The following TNRC18 variants were observed in gnomAD, a reference collection of about 807,000 sequenced individuals.
The protein encoded by TNRC18 is trinucleotide repeat-containing gene 18 protein.
TNRC18 carries 69 observed loss-of-function variants against 226.7 expected under a neutral mutation model. The observed-to-expected ratio is 0.30, with a 90% CI of 0.25 to 0.37. The LOEUF (loss-of-function observed/expected upper bound fraction) is 0.37. TNRC18 is among the 10% of genes least tolerant of loss of function. TNRC18 has a pLI of 1.00. For synonymous variants in TNRC18, 2,449 were observed against 1,927.6 expected (o/e 1.27, Z -7.09); for missense variants, 4,754 against 4,256.6 (o/e 1.12, Z -3.25).
intron 11 of TNRC18, 81 bp downstream of exon 11, chr7:5,370,294 G>A (rs1377941339): frequency 3.4e-6 from 5 of 1,455,912 alleles, no homozygotes; most frequent in Non-Finnish European, 4.6e-6. Flanking sequence ...CTGCACTCCA[G>A]CCTGGGCAAC....
In TNRC18 at chr7:5,373,566, G is replaced by A. The variant is rs1040709648; in HGVS notation, c.3229+489C>T. ...TGAACCAAAGTCCTCCCAAGCACAC[G>A]CTCACACACCTGATACCCCCCAGGG... On this transcript the variant is annotated intron_variant, in intron 10 of 29. Transcript: ENST00000430969. Among the ~76,000 whole-genome samples, 6 of 152,268 alleles carry A rather than the reference G, an allele frequency of 3.9e-5. No individual in the cohort carries two copies. In the South Asian group the frequency reaches 1.0e-3, roughly 26 times the overall value.
In TNRC18 at chr7:5,389,142, G is replaced by A. The variant is rs772830616; in HGVS notation, c.682C>T (p.Arg228Trp). Residue 228 changes from arginine to tryptophan, a missense_variant, in exon 5 of 30, where the codon CGG (arginine) becomes TGG (tryptophan). By Grantham distance (101) the Arg-to-Trp change is moderately radical (BLOSUM62 -3). Coordinates refer to ENST00000430969, the MANE Select transcript of TNRC18 (RefSeq NM_001080495.3). ...CGTGGCCCCGAGGCCTCCTCGCCCC[G>A]GGCGCGCGGGTCCTTCTTGCCGAAA... ...PLFGKKDPRA[R>W]GEEASGPRGV... 3 of 1,319,560 alleles carry A rather than the reference G, an allele frequency of 2.3e-6. No homozygotes were observed. The highest frequency in any genetic ancestry group is 4.0e-5 in the Admixed American group (1 of 25,310). The allele number at this position is 1,319,560 out of a possible 1,614,324, so 81.7% of individuals were successfully genotyped here.
chr7:5,345,553 G>T lies in TNRC18; in HGVS notation c.5719+9C>A. 5 of 543,000 alleles carry T rather than the reference G, an allele frequency of 9.2e-6. No homozygotes were observed. Among genetic ancestry groups the T allele is most frequent in the Non-Finnish European group, 9.2e-6 (4 of 436,688 alleles). 33.6% of individuals were successfully genotyped at this position (543,000 alleles called of 1,614,324 possible). A position where few individuals can be genotyped will look rare whatever the true frequency, so the allele number is the denominator to read the frequency against. On this transcript the variant is annotated intron_variant, in intron 18 of 29. Transcript: ENST00000430969. ...CCACCCCCACCGCAGCCCACCTGCT[G>T]CCACTTACCCAGCAGGCTCTGCCGC...
At position 5,320,299 on chromosome 7, in the gene TNRC18, T is replaced by C; in HGVS notation, c.6745+19A>G. ...GAGATGTTAGGCGGCAGGGGAGAGC[T>C]GGGGAGGAGGCATCTCACCTCGGAC... On this transcript the variant is annotated intron_variant, in intron 24 of 29. Transcript: ENST00000430969. 6.5e-7 allele frequency: 1 copy of C among 1,538,640 alleles called. No individual in the cohort carries two copies. The highest frequency in any genetic ancestry group is 8.8e-7 in the Non-Finnish European group (1 of 1,136,046).
Position 5,312,309 on chromosome 7 carries a change from C to T in TNRC18, c.8388+194G>A, listed in dbSNP as rs1294512889. Among the ~76,000 whole-genome samples the T allele has an allele frequency of 6.6e-6, 1 of 152,204 alleles. No homozygotes were observed. Among genetic ancestry groups the T allele is most frequent in the Non-Finnish European group, 1.5e-5 (1 of 68,038 alleles). ...ACTCTGCTCTGAAGGACTCGGGCATCGGAGTCCGACAGACCCAGGTGCCTG... is the reference window on the plus strand; with the variant it reads ...ACTCTGCTCTGAAGGACTCGGGCATTGGAGTCCGACAGACCCAGGTGCCTG... On this transcript the variant is annotated intron_variant, in intron 27 of 29. Coordinates refer to ENST00000430969, the MANE Select transcript of TNRC18 (RefSeq NM_001080495.3). This position sits in a 1 kb window ranked among gnomAD's most constrained non-coding sequence, Gnocchi z 6.3.
Position 5,387,756 on chromosome 7 carries a change from G to A in TNRC18, c.2068C>T (p.Arg690Trp). 6.2e-7 allele frequency: 1 copy of A among 1,607,700 alleles called. No homozygotes were observed. The highest frequency in any genetic ancestry group is 8.5e-7 in the Non-Finnish European group (1 of 1,179,808). Residue 690 changes from arginine (R) to tryptophan (W), a missense_variant, in exon 5 of 30, where the codon CGG (arginine) becomes TGG (tryptophan). Transcript: ENST00000430969. ...PPVGIAVAVA[R>W]QKDSGGSGRL... The stretch of plus-strand genomic sequence containing the variant: ...CCACTGCCGCCACTGTCCTTCTGCC[G>A]GGCCACAGCCACTGCAATGCCCACA...
chr7:5,329,345 C>G (rs1333986075), intron 19 of TNRC18, among the ~76,000 whole-genome samples: 2 of 151,264 alleles, frequency 1.3e-5, no homozygotes, highest in African/African-American at 2.4e-5. Context: ...AAGCCCATCC[C>G]ATGTGGCAGT....
intron 10 of TNRC18, among the ~76,000 whole-genome samples, chr7:5,372,528 G>A (rs1794264794): frequency 6.7e-6 from 1 of 150,240 alleles, no homozygotes; most frequent in Admixed American, 6.6e-5. Flanking sequence ...TGACCTGGAA[G>A]ACTCCATCTC....
At chr7:5,334,952 T>C (rs1429225929) in intron 18 of TNRC18, among the ~76,000 whole-genome samples, 1 of 152,104 alleles carries the variant, frequency 6.6e-6, no homozygotes, top group African/African-American at 2.4e-5. Flanking sequence ...AGAGTCCCGC[T>C]GACCTCAGCA....
chr7:5,383,157 C>T (rs1479876923), intron 5 of TNRC18, among the ~76,000 whole-genome samples: 1 of 152,230 alleles, frequency 6.6e-6, no homozygotes, highest in Admixed American at 6.5e-5. Flanking sequence ...CCCACCTTGG[C>T]CTCCCAAAGA....
intron 2 of TNRC18, among the ~76,000 whole-genome samples, chr7:5,419,605 G>A (rs1782415707): frequency 6.6e-6 from 1 of 151,812 alleles, no homozygotes; most frequent in Non-Finnish European, 1.5e-5. Context: ...CGCCACTAGA[G>A]AACAAACCCT....
chr7:5,322,985 G>A (rs927363589), intron 21 of TNRC18, among the ~76,000 whole-genome samples: 2 of 152,148 alleles, frequency 1.3e-5, no homozygotes, highest in Admixed American at 1.3e-4. Flanking sequence ...CTTAAGCCAC[G>A]GGTCTGGCAG....
At chr7:5,345,940 G>A (rs1211190336) in intron 17 of TNRC18, 130 bp from the exon 18 acceptor site, 2 of 1,339,096 alleles carry the variant, frequency 1.5e-6, no homozygotes, top group East Asian at 2.6e-5. Context: ...GGGCCGCTGG[G>A]GGTGGATGCA....
chr7:5,383,753 T>C lies in TNRC18; in HGVS notation c.2152+3919A>G, dbSNP rs146105585. Among the ~76,000 whole-genome samples the C allele has an allele frequency of 3.1e-3, 470 of 152,070 alleles. 5 individuals carry two copies. Among genetic ancestry groups the C allele is most frequent in the African/African-American group, 0.01 (433 of 41,492 alleles). On this transcript the variant is annotated intron_variant, in intron 5 of 29. Coordinates refer to ENST00000430969, the MANE Select transcript of TNRC18 (RefSeq NM_001080495.3). ...CCCAGAGAGAAATGACCACTTCTTA[T>C]GGGATTTTTTTTTTTAAGGAGAGAA... is the stretch of plus-strand genomic sequence containing the variant.
rs536132054 is a variant in TNRC18 at position 5,377,466 on chromosome 7, C to A, written c.2366G>T (p.Gly789Val). 3 of 1,576,476 alleles carry A rather than the reference C, an allele frequency of 1.9e-6. No individual in the cohort carries two copies. The highest frequency in any genetic ancestry group is 1.3e-5 in the African/African-American group (1 of 74,146). The change falls in exon 7 of 30, where the codon GGT (glycine) becomes GTT (valine). Residue 789 changes from glycine to valine, a missense_variant. Gly to Val is a moderately radical substitution (Grantham distance 109). Coordinates refer to ENST00000430969, the MANE Select transcript of TNRC18 (RefSeq NM_001080495.3). This position sits in a 1 kb window ranked among gnomAD's most constrained non-coding sequence, Gnocchi z 5.8. ...GGCTGCGGGGTCGGCAGACCAGCGA[C>A]CTGAGCCCGCCAGCGCCGGGCCCCC... is the stretch of plus-strand genomic sequence containing the variant. Reference protein sequence around the residue: ...VTGGPALAGSGRWSADPAAHL... With the variant: ...VTGGPALAGSVRWSADPAAHL...
chr7:5,401,648 C>T (rs904445786), intron 2 of TNRC18, among the ~76,000 whole-genome samples: 9 of 152,212 alleles, frequency 5.9e-5, no homozygotes, highest in African/African-American at 1.4e-4. Context: ...AACGATTGGG[C>T]GTTGCTCTGT....
intron 4 of TNRC18, 171 bp downstream of exon 4, chr7:5,390,314 G>C (rs1476959886): frequency 1.4e-6 from 1 of 689,958 alleles, no homozygotes; most frequent in South Asian, 2.1e-5. Flanking sequence ...ACCTATGATC[G>C]CACCACTGCA....
In TNRC18 at chr7:5,308,932, G is replaced by T; in HGVS notation, c.8643C>A (p.Ser2881=). 1 of 1,605,098 alleles carries T rather than the reference G, an allele frequency of 6.2e-7. No individual in the cohort carries two copies. The highest frequency in any genetic ancestry group is 8.5e-7 in the Non-Finnish European group (1 of 1,177,528). Residue 2881 remains serine (S), a synonymous_variant, in exon 29 of 30, where the codon TCC becomes TCA. Coordinates refer to ENST00000430969, the MANE Select transcript of TNRC18 (RefSeq NM_001080495.3). ...FHQGQHWDQK[S]SRSLPAALRV... Reference sequence around the variant, plus strand: ...GCAGGGCCGCCGGGAGGCTGCGGCTGGACTTCTGGTCCCAGTGCTGTGTGG... The same window carrying T: ...GCAGGGCCGCCGGGAGGCTGCGGCTTGACTTCTGGTCCCAGTGCTGTGTGG...
At chr7:5,402,474 G>A (rs1286592574) in intron 2 of TNRC18, among the ~76,000 whole-genome samples, 4 of 152,138 alleles carry the variant, frequency 2.6e-5, no homozygotes, top group South Asian at 2.1e-4. Flanking sequence ...GGCGGAGGTC[G>A]CAGTGAGCCG....
Sources: gnomAD v4.1 joint callset for allele counts (sites outside exome capture counted in the v4.1 genomes callset) on GRCh38, gnomAD v4.1.1 for gene constraint, Gnocchi (gnomAD v3.1) non-coding constraint, MANE v1.5 for transcripts, NCBI Gene and HGNC (gene_info 2026-07-23, HGNC 2026-07-21) for gene names.